Variants in ZAR1L observed in about 807,000 individuals in gnomAD.
ZAR1L encodes zygote arrest 1 like.
ZAR1L carries 16 observed loss-of-function variants against 30.0 expected under a neutral mutation model. That is an observed-to-expected ratio of 0.53 (90% CI 0.36 to 0.81). The LOEUF (loss-of-function observed/expected upper bound fraction) is 0.81, where lower values mean the gene tolerates loss of function less well. Among genes scored for constraint, ZAR1L ranks in the 30% least tolerant of loss-of-function variants. ZAR1L has a pLI of 0.00. For missense variants in ZAR1L, 392 were observed against 417.2 expected, an observed-to-expected ratio of 0.94 and a Z score of 0.53; for synonymous variants, 197 against 166.8, an observed-to-expected ratio of 1.18 and a Z score of -1.40.
At position 32,311,962 on chromosome 13, in the gene ZAR1L, G is replaced by T; in HGVS notation, c.-37C>A. 6.7e-7 allele frequency: 1 copy of T among 1,494,638 alleles called. No individual in the cohort carries two copies. The highest frequency in any genetic ancestry group is 1.3e-5 in the South Asian group (1 of 74,800). 92.6% of individuals were successfully genotyped at this position (1,494,638 alleles called of 1,614,324 possible). A position where few individuals can be genotyped will look rare whatever the true frequency, so the allele number is the denominator to read the frequency against. On this transcript the variant is annotated 5_prime_UTR_variant, in exon 3 of 6. Transcript: ENST00000533490. ...TGCTCAGGCGCAGTCTAATATCCTA[G>T]CCAGTTTGTTTGGGTCCTTATTTTG...
At chr13:32,308,817 A>T in intron 4 of ZAR1L, 57 bp from the exon 5 acceptor site, 1 of 1,184,790 alleles carries the variant, frequency 8.4e-7, no homozygotes, top group Non-Finnish European at 1.2e-6. Flanking sequence ...CACACCCTGC[A>T]AAGGCTCCCA....
chr13:32,311,498 A>G lies in ZAR1L; in HGVS notation c.428T>C (p.Ile143Thr). The G allele has an allele frequency of 6.5e-7, 1 of 1,542,460 alleles. No homozygotes were observed. ...TTCGTCCCCATCTCTCCGCAGGCGG[A>G]TCAAGCCCCTGCGGCCGGTGGCGGG... ...TSPATGRRGL[I>T]RLRRDGDEAE... Residue 143 changes from isoleucine (I) to threonine (T), a missense_variant, in exon 3 of 6, where the codon ATC becomes ACC. Coordinates refer to ENST00000533490, the MANE Select transcript of ZAR1L (RefSeq NM_001136571.2).
rs1429853283 is a variant in ZAR1L at position 32,311,512 on chromosome 13, G to A, written c.414C>T (p.Gly138=). Residue 138 remains glycine (G), a synonymous_variant, in exon 3 of 6, where the codon GGC becomes GGT. Coordinates refer to ENST00000533490, the MANE Select transcript of ZAR1L (RefSeq NM_001136571.2). The stretch of plus-strand genomic sequence containing the variant: ...TCCGCAGGCGGATCAAGCCCCTGCG[G>A]CCGGTGGCGGGCGAAGTGACCCCAC... ...PACGVTSPAT[G]RRGLIRLRRD... 2.6e-6 allele frequency: 4 copies of A among 1,539,250 alleles called. No individual in the cohort carries two copies. In the African/African-American group the frequency reaches 4.1e-5, roughly 16 times the overall value.
intron 2 of ZAR1L, among the ~76,000 whole-genome samples, chr13:32,313,397 T>C (rs438903): frequency 0.67 from 101,820 of 151,966 alleles, 34,805 homozygotes; most frequent in African/African-American, 0.79. Context: ...GGAGTTTCCT[T>C]GCTCTGTCTC....
chr13:32,306,772 A>T lies in ZAR1L; in HGVS notation c.822+1914T>A, dbSNP rs886074500. On this transcript the variant is annotated intron_variant, in intron 5 of 5. Transcript: ENST00000533490. ...ATGGAGAAACCCTGTCTATACTAAA[A>T]ATACAAAAATTAGCCGGGCGTGGTG... Among the ~76,000 whole-genome samples the T allele has an allele frequency of 8.4e-4, 128 of 152,154 alleles. 1 individual carries two copies. Among genetic ancestry groups the T allele is most frequent in the African/African-American group, 3.0e-3 (125 of 41,516 alleles).
intron 5 of ZAR1L, among the ~76,000 whole-genome samples, chr13:32,305,141 A>G (rs1445918027): frequency 2.0e-5 from 3 of 152,086 alleles, no homozygotes; most frequent in African/African-American, 7.2e-5. Context: ...GTGAAAATAG[A>G]CATTTTTATT....
chr13:32,308,664 T>A, intron 5 of ZAR1L, 22 bp downstream of exon 5: 1 of 1,530,066 alleles, frequency 6.5e-7, no homozygotes, highest in Non-Finnish European at 8.9e-7. Context: ...ATAGACACAA[T>A]GGAAGTGTTC....
Position 32,311,708 on chromosome 13 carries a change from G to C in ZAR1L, c.218C>G (p.Ser73Cys). ...YKRAQLKAILSQMNPSLSPRL... is the reference protein window; with the variant it reads ...YKRAQLKAILCQMNPSLSPRL... Reference sequence around the variant, plus strand: ...CGGGCTCAGGCTGGGGTTCATCTGGGAGAGAATGGCCTTAAGCTGCGCCCT... The same window carrying C: ...CGGGCTCAGGCTGGGGTTCATCTGGCAGAGAATGGCCTTAAGCTGCGCCCT... The change falls in exon 3 of 6, where the codon TCC (serine) becomes TGC (cysteine). Residue 73 changes from serine (S) to cysteine (C), a missense_variant. Transcript: ENST00000533490. 1 of 1,551,660 alleles carries C rather than the reference G, an allele frequency of 6.4e-7. No individual in the cohort carries two copies. The highest frequency in any genetic ancestry group is 8.7e-7 in the Non-Finnish European group (1 of 1,146,992).
intron 3 of ZAR1L, 42 bp from the exon 4 acceptor site, chr13:32,310,773 G>GA: frequency 1.5e-6 from 2 of 1,316,474 alleles, no homozygotes; most frequent in Non-Finnish European, 2.1e-6. Context: ...CATGCAAGGG[G>GA]AAAAAAGCCA....
chr13:32,314,982 C>T (rs545887954), intron 1 of ZAR1L, among the ~76,000 whole-genome samples: 21 of 152,266 alleles, frequency 1.4e-4, no homozygotes, highest in Admixed American at 1.3e-3. Flanking sequence ...CACCTGCTAC[C>T]CAATAGCAGA....
intron 5 of ZAR1L, among the ~76,000 whole-genome samples, chr13:32,307,090 G>T (rs1319113155): frequency 6.6e-6 from 1 of 151,936 alleles, no homozygotes; most frequent in African/African-American, 2.4e-5. Context: ...AAAACTAAAT[G>T]AATACTGACT....
intron 5 of ZAR1L, among the ~76,000 whole-genome samples, chr13:32,306,488 C>A (rs1458956874): frequency 6.6e-6 from 1 of 151,778 alleles, no homozygotes; most frequent in Non-Finnish European, 1.5e-5. Flanking sequence ...AGCAGATTTA[C>A]GAAGGGGAAA....
At chr13:32,315,157 G>A (rs2072241138) in intron 1 of ZAR1L, among the ~76,000 whole-genome samples, 158 bp downstream of exon 1, 1 of 152,116 alleles carries the variant, frequency 6.6e-6, no homozygotes, top group Non-Finnish European at 1.5e-5. Flanking sequence ...TCAGAACAAA[G>A]GTATTTCATA....
intron 5 of ZAR1L, 145 bp downstream of exon 5, chr13:32,308,541 C>A (rs956537266): frequency 2.0e-5 from 12 of 602,828 alleles, no homozygotes; most frequent in Non-Finnish European, 8.5e-6. Context: ...AGAATTTATG[C>A]TTTCATTGTT....
intron 5 of ZAR1L, among the ~76,000 whole-genome samples, chr13:32,306,332 AAC>A (rs1054581635): frequency 6.6e-6 from 1 of 152,206 alleles, no homozygotes; most frequent in African/African-American, 2.4e-5. Flanking sequence ...TTGAAAAGAT[AAC>A]AGTTGATAAT....
At chr13:32,308,276 G>A (rs2072190074) in intron 5 of ZAR1L, among the ~76,000 whole-genome samples, 1 of 152,030 alleles carries the variant, frequency 6.6e-6, no homozygotes, top group Non-Finnish European at 1.5e-5. Flanking sequence ...TCTAACCTTG[G>A]GAAAGTTATT....
chr13:32,314,003 G>A (rs1170687803), intron 2 of ZAR1L, among the ~76,000 whole-genome samples: 1 of 152,128 alleles, frequency 6.6e-6, no homozygotes, highest in African/African-American at 2.4e-5. Flanking sequence ...GAAGTCAAAT[G>A]GACTAGAATT....
intron 5 of ZAR1L, among the ~76,000 whole-genome samples, chr13:32,306,930 C>CAAGAAAA (rs2072179946): frequency 1.7e-5 from 1 of 59,088 alleles, no homozygotes; most frequent in Non-Finnish European, 2.8e-5. Flanking sequence ...GACTCTATCT[C>CAAGAAAA]AAAAAAAAAA....
intron 5 of ZAR1L, among the ~76,000 whole-genome samples, chr13:32,306,096 C>T (rs1177401095): frequency 6.6e-6 from 1 of 151,986 alleles, no homozygotes; most frequent in African/African-American, 2.4e-5. Context: ...CAGAAAAATA[C>T]AACAAATAAA....
Sources: gnomAD v4.1 joint callset for allele counts (sites outside exome capture counted in the v4.1 genomes callset) on GRCh38, gnomAD v4.1.1 for gene constraint, MANE v1.5 for transcripts, NCBI Gene and HGNC (gene_info 2026-07-23, HGNC 2026-07-21) for gene names.